The following COG2 variants were observed in gnomAD, a reference collection of about 807,000 sequenced individuals.
COG2 encodes the protein conserved oligomeric Golgi complex subunit 2.
Under a neutral mutation model 90.6 loss-of-function variants are expected in COG2, and 52 were observed. The ratio of observed to expected loss-of-function variants is 0.57; its 90% confidence interval spans 0.46 to 0.72. The LOEUF (loss-of-function observed/expected upper bound fraction) is 0.72, where lower values mean the gene tolerates loss of function less well. COG2 is among the 30% of genes least tolerant of loss of function. The pLI is 0.00. For synonymous variants in COG2, 337 were observed against 320.4 expected, an observed-to-expected ratio of 1.05 and a Z score of -0.55; for missense variants, 829 against 891.2, an observed-to-expected ratio of 0.93 and a Z score of 0.89.
intron 10 of COG2, 31 bp downstream of exon 10, chr1:230,679,083 C>T: frequency 1.3e-6 from 2 of 1,593,102 alleles, no homozygotes; most frequent in South Asian, 1.1e-5. Flanking sequence ...CCCCGCCCCG[C>T]ACCCTTCTAA....
chr1:230,656,280 G>A (rs1274186620), intron 1 of COG2, among the ~76,000 whole-genome samples: 2 of 152,094 alleles, frequency 1.3e-5, no homozygotes, highest in African/African-American at 4.8e-5. Context: ...TCCTTTACAT[G>A]TGTCCCGGAG....
In COG2 at chr1:230,659,526, G is replaced by A; in HGVS notation, c.135G>A (p.Leu45=). 3 of 1,613,894 alleles carry A rather than the reference G, an allele frequency of 1.9e-6. No individual in the cohort carries two copies. The highest frequency in any genetic ancestry group is 1.3e-5 in the African/African-American group (1 of 75,028). Residue 45 remains leucine (L), a synonymous_variant, in exon 2 of 18, where the codon CTG becomes CTA. Transcript: ENST00000366669. ...GGAAGCGGGTCCAGCTGGAAGAACT[G>A]AGAGATGACCTGGAGCTCTACTATA... ...DCRKRVQLEE[L]RDDLELYYKL... is the part of the protein sequence containing the mutation.
chr1:230,643,607 C>T (rs1343126966), intron 1 of COG2, among the ~76,000 whole-genome samples: 3 of 124,610 alleles, frequency 2.4e-5, no homozygotes, highest in Non-Finnish European at 3.4e-5. Flanking sequence ...GATTAATTAG[C>T]CTATCTCTTT....
At chr1:230,675,862 C>T (rs1279204880) in intron 9 of COG2, among the ~76,000 whole-genome samples, 1 of 152,028 alleles carries the variant, frequency 6.6e-6, no homozygotes, top group Non-Finnish European at 1.5e-5. Flanking sequence ...ACTATGTTGC[C>T]TAGGCTAGTG....
At chr1:230,668,534 G>A (rs751974855) in intron 5 of COG2, 142 bp from the exon 6 acceptor site, 2 of 564,158 alleles carry the variant, frequency 3.5e-6, no homozygotes, top group Non-Finnish European at 3.2e-6. Flanking sequence ...CTTTCACCTT[G>A]TAACAAGGTG....
At position 230,688,408 on chromosome 1, in the gene COG2, T is replaced by C. The variant is rs1662936444; in HGVS notation, c.1652-12T>C. On this transcript the variant is annotated splice_polypyrimidine_tract_variant and intron_variant, in intron 14 of 17. Transcript: ENST00000366669. ...GAGCATGATGATTAAATCCAGTCTT[T>C]AATCTCAACAGCAGCCCTGGAGGAC... 6.2e-7 allele frequency: 1 copy of C among 1,613,498 alleles called. No homozygotes were observed. Among genetic ancestry groups the C allele is most frequent in the Non-Finnish European group, 8.5e-7 (1 of 1,179,792 alleles).
chr1:230,649,427 A>T (rs558690328), intron 1 of COG2, among the ~76,000 whole-genome samples: 1 of 152,106 alleles, frequency 6.6e-6, no homozygotes, highest in East Asian at 1.9e-4. Flanking sequence ...AGTCTTTCCC[A>T]TGGCTGTTGC....
At chr1:230,662,549 CT>C (rs1253389319) in intron 3 of COG2, among the ~76,000 whole-genome samples, 1 of 152,130 alleles carries the variant, frequency 6.6e-6, no homozygotes, top group Non-Finnish European at 1.5e-5. Flanking sequence ...CTGTTCTTGA[CT>C]TCTTGATTCT....
intron 17 of COG2, among the ~76,000 whole-genome samples, chr1:230,692,762 G>T (rs1203794772): frequency 1.4e-5 from 2 of 147,382 alleles, no homozygotes; most frequent in East Asian, 2.0e-4. Context: ...GTGTGTGCGT[G>T]TATGGATGTA....
At position 230,683,567 on chromosome 1, in the gene COG2, A is replaced by C. The variant is rs1250237985; in HGVS notation, c.1167-7A>C. ...AACATTAATTCTTCTTCTTGTTTTT[A>C]TCTCAGATTTAGAGAAATAGCGGGA... On this transcript the variant is annotated splice_polypyrimidine_tract_variant and splice_region_variant and intron_variant, in intron 10 of 17. Transcript: ENST00000366669. The C allele has an allele frequency of 6.2e-7, 1 of 1,603,056 alleles. No homozygotes were observed. Among genetic ancestry groups the C allele is most frequent in the East Asian group, 2.2e-5 (1 of 44,778 alleles).
intron 1 of COG2, among the ~76,000 whole-genome samples, chr1:230,645,233 CAAAAAAA>C (rs57806034): frequency 3.3e-5 from 3 of 91,062 alleles, no homozygotes; most frequent in African/African-American, 1.3e-4. Context: ...GAGACCCTGT[CAAAAAAA>C]AAAAAAAAAA....
In COG2 at chr1:230,642,627, C is replaced by T. The variant is rs765729759; in HGVS notation, c.21C>T (p.Asn7=). ...GCGGGATGGAGAAAAGTAGGATGAA[C>T]CTGCCCAAGGGGCCGGACACGCTCT... MEKSRM[N]LPKGPDTLCF... The change falls in exon 1 of 18, where the codon AAC becomes AAT. Residue 7 remains asparagine (N), a synonymous_variant. Coordinates refer to ENST00000366669, the MANE Select transcript of COG2 (RefSeq NM_007357.3). 8.1e-6 allele frequency: 13 copies of T among 1,613,120 alleles called. No homozygotes were observed. Among genetic ancestry groups the T allele is most frequent in the South Asian group, 1.1e-5 (1 of 90,784 alleles).
intron 5 of COG2, among the ~76,000 whole-genome samples, chr1:230,665,478 C>A (rs1386809406): frequency 6.6e-6 from 1 of 152,136 alleles, no homozygotes; most frequent in African/African-American, 2.4e-5. Flanking sequence ...GTTCAAAGTC[C>A]TGATCGTATT....
intron 5 of COG2, among the ~76,000 whole-genome samples, chr1:230,667,977 A>G (rs1303726772): frequency 1.3e-5 from 2 of 152,184 alleles, no homozygotes; most frequent in African/African-American, 4.8e-5. Flanking sequence ...TACGTAAAGA[A>G]TGCCCTCTCA....
chr1:230,678,353 TG>T (rs983440345), intron 9 of COG2: 9 of 985,400 alleles, frequency 9.1e-6, no homozygotes, highest in Non-Finnish European at 1.1e-5. Flanking sequence ...GGTCGTTTTG[TG>T]GGTTAAATTA....
intron 15 of COG2, among the ~76,000 whole-genome samples, chr1:230,689,055 A>C (rs1416852577): frequency 2.0e-5 from 3 of 152,136 alleles, no homozygotes; most frequent in Non-Finnish European, 4.4e-5. Context: ...ATACATGCCA[A>C]ATGTGGTGGC....
chr1:230,686,941 C>G lies in COG2; in HGVS notation c.1387C>G (p.Leu463Val), dbSNP rs141191461. 1 of 1,524,216 alleles carries G rather than the reference C, an allele frequency of 6.6e-7. No homozygotes were observed. The highest frequency in any genetic ancestry group is 2.0e-5 in the Admixed American group (1 of 49,308). The allele number at this position is 1,524,216 out of a possible 1,614,324, so 94.4% of individuals were successfully genotyped here. Reference sequence around the variant, plus strand: ...CAGTGAAATCCTTTTTCAGCTTTCACTCAGGCCCATTTCTAATGAAAGTCC... The same window carrying G: ...CAGTGAAATCCTTTTTCAGCTTTCAGTCAGGCCCATTTCTAATGAAAGTCC... Reference protein sequence around the residue: ...RYSVFVNELSLRPISNESPKE... With the variant: ...RYSVFVNELSVRPISNESPKE... The change falls in exon 13 of 18, where the codon CTC becomes GTC. Residue 463 changes from leucine (L) to valine (V), a missense_variant. Transcript: ENST00000366669.
chr1:230,683,380 A>C, intron 10 of COG2, 194 bp from the exon 11 acceptor site: 1 of 540,900 alleles, frequency 1.8e-6, no homozygotes. Context: ...CTTATATAAC[A>C]GTGGCTTAGT....
intron 2 of COG2, 84 bp downstream of exon 2, chr1:230,659,709 T>C: frequency 7.1e-7 from 1 of 1,406,084 alleles, no homozygotes; most frequent in Non-Finnish European, 9.6e-7. Context: ...TGTGTGTTTT[T>C]AGAAACCTTT....
Sources: allele counts gnomAD v4.1 joint callset (sites outside exome capture counted in the v4.1 genomes callset), GRCh38; gene constraint gnomAD v4.1.1; transcripts MANE v1.5; gene names NCBI Gene and HGNC (gene_info 2026-07-23, HGNC 2026-07-21).